Variants in PRKG1 observed in about 807,000 individuals in gnomAD.
The protein encoded by PRKG1 is protein kinase cGMP-dependent 1.
PRKG1 carries 35 observed loss-of-function variants against 88.1 expected under a neutral mutation model. That is an observed-to-expected ratio of 0.40 (90% CI 0.30 to 0.53). The LOEUF is 0.53. Among genes scored for constraint, PRKG1 ranks in the 20% least tolerant of loss-of-function variants. PRKG1 has a pLI of 0.59. For synonymous variants in PRKG1, 303 were observed against 292.5 expected (o/e 1.04, Z -0.37); for missense variants, 540 against 839.8 (o/e 0.64, Z 4.41).
chr10:51,490,001 T>C (rs1840664352), intron 3 of PRKG1, among the ~76,000 whole-genome samples: 1 of 152,146 alleles, frequency 6.6e-6, no homozygotes, highest in Non-Finnish European at 1.5e-5. Flanking sequence ...AAACTTTTCT[T>C]TGAAGAACAC....
At chr10:52,042,205 G>A (rs1024334700) in intron 5 of PRKG1, among the ~76,000 whole-genome samples, 5 of 152,032 alleles carry the variant, frequency 3.3e-5, no homozygotes, top group African/African-American at 1.2e-4. Context: ...GGCATTCTTT[G>A]CAGAAATAGA....
At chr10:51,595,144 C>T (rs781304279) in intron 3 of PRKG1, among the ~76,000 whole-genome samples, 2 of 152,054 alleles carry the variant, frequency 1.3e-5, no homozygotes, top group Non-Finnish European at 2.9e-5. Flanking sequence ...TCCAGCAGCT[C>T]AAGACCAGTC....
intron 2 of PRKG1, among the ~76,000 whole-genome samples, chr10:51,235,510 G>T (rs916776122): frequency 2.0e-5 from 3 of 152,094 alleles, no homozygotes; most frequent in African/African-American, 7.2e-5. Flanking sequence ...AGTTCTTTTG[G>T]TTTTTGTCAC....
chr10:51,558,987 G>C (rs1437212171), intron 3 of PRKG1, among the ~76,000 whole-genome samples: 1 of 152,056 alleles, frequency 6.6e-6, no homozygotes, highest in African/African-American at 2.4e-5. Flanking sequence ...TATTTTGAGA[G>C]AGAAAAAGAG....
At chr10:51,609,836 A>C (rs1160642620) in intron 3 of PRKG1, among the ~76,000 whole-genome samples, 1 of 152,058 alleles carries the variant, frequency 6.6e-6, no homozygotes, top group African/African-American at 2.4e-5. Flanking sequence ...GGGGCCTGTC[A>C]GGGATTATGG....
intron 3 of PRKG1, among the ~76,000 whole-genome samples, chr10:51,660,873 A>G (rs1355907076): frequency 6.6e-6 from 1 of 152,102 alleles, no homozygotes; most frequent in Admixed American, 6.6e-5. Context: ...TCATAACAAC[A>G]TATCTCATTA....
intron 5 of PRKG1, among the ~76,000 whole-genome samples, chr10:51,975,888 A>G (rs551497352): frequency 2.0e-4 from 30 of 152,222 alleles, no homozygotes; most frequent in African/African-American, 6.7e-4. Context: ...AGGGACTTGC[A>G]TTCAAAATAT....
At chr10:51,274,825 C>T (rs937439309) in intron 2 of PRKG1, among the ~76,000 whole-genome samples, 1 of 152,186 alleles carries the variant, frequency 6.6e-6, no homozygotes, top group African/African-American at 2.4e-5. Flanking sequence ...TTCACTCATA[C>T]TTAACTGCAA....
At chr10:51,512,153 A>C (rs1343967989) in intron 3 of PRKG1, among the ~76,000 whole-genome samples, 2 of 147,926 alleles carry the variant, frequency 1.4e-5, no homozygotes, top group Non-Finnish European at 3.0e-5. Flanking sequence ...GGACACAGAG[A>C]GTACTTCTCT....
chr10:51,028,117 T>C lies in PRKG1; in HGVS notation c.266+36473T>C, dbSNP rs566055596. Among the ~76,000 whole-genome samples the C allele has an allele frequency of 3.6e-4, 55 of 152,256 alleles. 1 individual carries two copies. The South Asian group carries it at 0.011, about 30-fold the overall frequency. On this transcript the variant is annotated intron_variant, in intron 1 of 17. Coordinates refer to the PRKG1 transcript ENST00000401604. ...TTCAAAACCACTAAGAGGAAACTGA[T>C]GAATATTTGAGAAAGACAAATAACT...
rs1316663652 is a variant in PRKG1 at position 51,367,231 on chromosome 10, G to A, written c.479-100492G>A. On this transcript the variant is annotated intron_variant, in intron 2 of 17. Coordinates refer to ENST00000373980, the MANE Select transcript of PRKG1 (RefSeq NM_006258.4). ...CAGTTATGCTGCACGTATCCAATTAGCTTGTGAAATCTTATCTCTTCTACC... is the reference window on the plus strand; with the variant it reads ...CAGTTATGCTGCACGTATCCAATTAACTTGTGAAATCTTATCTCTTCTACC... Among the ~76,000 whole-genome samples, 4 of 151,902 alleles carry A rather than the reference G, an allele frequency of 2.6e-5. No homozygotes were observed. The East Asian group carries it at 7.7e-4, about 29-fold the overall frequency.
At chr10:51,628,027 TTTCTTTC>T (rs1564579921) in intron 3 of PRKG1, among the ~76,000 whole-genome samples, 1 of 120,330 alleles carries the variant, frequency 8.3e-6, no homozygotes, top group African/African-American at 2.8e-5. Flanking sequence ...TCTTTCTTTC[TTTCTTTC>T]TTTCCTTCCT....
chr10:51,314,700 C>G (rs1841276273), intron 2 of PRKG1, among the ~76,000 whole-genome samples: 1 of 152,112 alleles, frequency 6.6e-6, no homozygotes, highest in Non-Finnish European at 1.5e-5. Flanking sequence ...AACATTCATC[C>G]AAGAAAAACA....
Position 52,251,666 on chromosome 10 carries a change from G to A in PRKG1, c.1173G>A (p.Leu391=). 1 of 1,608,314 alleles carries A rather than the reference G, an allele frequency of 6.2e-7. No homozygotes were observed. The highest frequency in any genetic ancestry group is 1.7e-4 in the Middle Eastern group (1 of 6,040). Residue 391 remains leucine (L), a splice_region_variant and synonymous_variant, in exon 10 of 18, where the codon CTG becomes CTA. Transcript: ENST00000373980. ...LGVGGFGRVE[L]VQLKSEESKT... is the part of the protein sequence containing the mutation. ...TTGGAGGTTTCGGACGAGTAGAACT[G>A]GTAGGTGATTGTTCTTTAAATGCTT...
rs544009782 is a variant in PRKG1, at chr10:51,710,316, G to A, written c.593-94269G>A. On this transcript the variant is annotated intron_variant, in intron 3 of 17. Transcript: ENST00000373980. ...TGAGAGGTATATAGAAAATGAAAAT[G>A]TAACTGCTGTTCATCCATTGACCCT... Among the ~76,000 whole-genome samples the A allele has an allele frequency of 2.7e-3, 417 of 152,296 alleles. 2 individuals carry two copies. The highest frequency in any genetic ancestry group is 4.6e-3 in the Non-Finnish European group (310 of 68,020).
chr10:51,517,882 C>T (rs1841630287), intron 3 of PRKG1, among the ~76,000 whole-genome samples: 1 of 152,196 alleles, frequency 6.6e-6, no homozygotes, highest in South Asian at 2.1e-4. Context: ...CCTGGGTTTC[C>T]ATTTTCATAA....
intron 9 of PRKG1, among the ~76,000 whole-genome samples, chr10:52,244,661 A>T (rs994472709): frequency 7.5e-6 from 1 of 134,166 alleles, no homozygotes; most frequent in Non-Finnish European, 1.6e-5. Flanking sequence ...GACAGAAGTA[A>T]ATAAAATATT....
intron 2 of PRKG1, among the ~76,000 whole-genome samples, chr10:51,233,852 T>C (rs965504119): frequency 6.6e-6 from 1 of 152,152 alleles, no homozygotes; most frequent in African/African-American, 2.4e-5. Context: ...ATTCTAGTGT[T>C]CTCTGTGGGT....
rs1236919486 is a variant in PRKG1 at position 52,209,269 on chromosome 10, T to C, written c.1077-42301T>C. Among the ~76,000 whole-genome samples, 3 of 152,338 alleles carry C rather than the reference T, an allele frequency of 2.0e-5. No individual in the cohort carries two copies. The East Asian group carries it at 5.8e-4, about 29-fold the overall frequency. On this transcript the variant is annotated intron_variant, in intron 9 of 17. Transcript: ENST00000373980. ...ATATATAAACAAATGGAAATGGTTG[T>C]GTTTCAATACAACTTTATTTATGGA...
Sources: allele counts gnomAD v4.1 joint callset (sites outside exome capture counted in the v4.1 genomes callset), GRCh38; gene constraint gnomAD v4.1.1; transcripts MANE v1.5; gene names NCBI Gene and HGNC (gene_info 2026-07-23, HGNC 2026-07-21).